Variants in CTNNA2 observed in about 807,000 individuals in gnomAD.
CTNNA2 encodes the protein catenin alpha-2.
In CTNNA2, 42 loss-of-function variants were observed where a neutral mutation model predicts 101.0. The ratio of observed to expected loss-of-function variants is 0.42; its 90% CI spans 0.32 to 0.54. CTNNA2 has a LOEUF of 0.54. Among genes scored for constraint, CTNNA2 ranks in the 20% least tolerant of loss-of-function variants. The probability of loss-of-function intolerance (pLI) is 0.14; values close to 1 mark genes in which losing one functional copy is unlikely to be tolerated. For synonymous variants in CTNNA2, 450 were observed against 456.4 expected, an observed-to-expected ratio of 0.99 and a Z score of 0.18; for missense variants, 871 against 1,223.1, an observed-to-expected ratio of 0.71 and a Z score of 4.29.
intron 9 of CTNNA2, among the ~76,000 whole-genome samples, chr2:80,515,593 C>T (rs1689048903): frequency 6.6e-6 from 1 of 152,182 alleles, no homozygotes; most frequent in Admixed American, 6.5e-5. Context: ...TTCTCTTGAG[C>T]TGCATTAGAA....
At chr2:80,504,120 A>T (rs142518503) in intron 9 of CTNNA2, among the ~76,000 whole-genome samples, 1 of 152,276 alleles carries the variant, frequency 6.6e-6, no homozygotes, top group East Asian at 1.9e-4. Flanking sequence ...ACCAGGGTTA[A>T]ATCAAGGTGT....
intron 7 of CTNNA2, among the ~76,000 whole-genome samples, chr2:80,089,070 T>C (rs1033234724): frequency 1.3e-5 from 2 of 152,006 alleles, no homozygotes; most frequent in African/African-American, 4.8e-5. Context: ...GGAAGACCTA[T>C]TATCCTCTCC....
chr2:80,211,344 T>C (rs1356265433), intron 7 of CTNNA2, among the ~76,000 whole-genome samples: 1 of 152,190 alleles, frequency 6.6e-6, no homozygotes. Flanking sequence ...CTTTCTATGG[T>C]TTTAGGTCTA....
intron 7 of CTNNA2, among the ~76,000 whole-genome samples, chr2:80,060,678 C>A (rs1390113482): frequency 3.3e-5 from 5 of 152,002 alleles, no homozygotes; most frequent in African/African-American, 4.8e-5. Context: ...ACCTGGAATG[C>A]TCTTTCTTCT....
chr2:79,994,366 GA>G (rs1161379845), intron 7 of CTNNA2, among the ~76,000 whole-genome samples: 1 of 152,172 alleles, frequency 6.6e-6, no homozygotes, highest in African/African-American at 2.4e-5. Context: ...AAAACTTCCT[GA>G]ATTTACCTGC....
chr2:79,235,154 A>G (rs1263813349), intron 2 of CTNNA2, among the ~76,000 whole-genome samples: 1 of 152,178 alleles, frequency 6.6e-6, no homozygotes, highest in African/African-American at 2.4e-5. Context: ...GGAAGGGCTG[A>G]CATTCTTCTA....
intron 7 of CTNNA2, among the ~76,000 whole-genome samples, chr2:80,028,946 A>G (rs1440568810): frequency 6.6e-6 from 1 of 152,232 alleles, no homozygotes; most frequent in Non-Finnish European, 1.5e-5. Context: ...GAACTATAAA[A>G]TAATAAATTT....
chr2:79,372,175 C>T (rs550225160), intron 3 of CTNNA2, among the ~76,000 whole-genome samples: 1 of 152,216 alleles, frequency 6.6e-6, no homozygotes, highest in East Asian at 1.9e-4. Context: ...GATTTCCTGA[C>T]TGATGGCATC....
intron 2 of CTNNA2, among the ~76,000 whole-genome samples, chr2:79,742,926 T>G (rs1018531430): frequency 1.6e-4 from 25 of 152,314 alleles, no homozygotes; most frequent in African/African-American, 6.0e-4. Flanking sequence ...TCATCTTAGT[T>G]TACATTTATT....
intron 7 of CTNNA2, among the ~76,000 whole-genome samples, chr2:80,052,710 A>G (rs1696955194): frequency 6.6e-6 from 1 of 152,224 alleles, no homozygotes; most frequent in Admixed American, 6.5e-5. Flanking sequence ...CATCCGTAGA[A>G]GTCTTTGTTG....
chr2:79,272,999 G>T (rs1337295238), intron 2 of CTNNA2, among the ~76,000 whole-genome samples: 1 of 152,000 alleles, frequency 6.6e-6, no homozygotes, highest in African/African-American at 2.4e-5. Flanking sequence ...ATAATGTTAG[G>T]TGGCTCCAGG....
In CTNNA2 at chr2:79,738,533, G is replaced by A. The variant is rs1558885541; in HGVS notation, c.103-5854G>A. ...TTGGAGGAGGGATAGAGATAAAGAT[G>A]GGTACAGAAATAAGTGAGTTTGGTG... On this transcript the variant is annotated intron_variant, in intron 2 of 18. Coordinates refer to ENST00000402739, the MANE Select transcript of CTNNA2 (RefSeq NM_001282597.3). Among the ~76,000 whole-genome samples the A allele has an allele frequency of 2.6e-5, 4 of 152,124 alleles. No homozygotes were observed. The South Asian group carries it at 8.3e-4, about 32-fold the overall frequency.
chr2:80,219,475 C>T (rs1430655046), intron 7 of CTNNA2, among the ~76,000 whole-genome samples: 1 of 152,042 alleles, frequency 6.6e-6, no homozygotes, highest in Non-Finnish European at 1.5e-5. Flanking sequence ...TATGAATTAT[C>T]TAGGTGAGGA....
chr2:79,186,506 C>T (rs1018546943), intron 1 of CTNNA2, among the ~76,000 whole-genome samples: 7 of 152,124 alleles, frequency 4.6e-5, no homozygotes, highest in Admixed American at 6.5e-5. Context: ...GCAATCAATG[C>T]GCTCAACTAA....
chr2:79,543,972 C>T (rs1673574390), intron 1 of CTNNA2, among the ~76,000 whole-genome samples: 1 of 151,954 alleles, frequency 6.6e-6, no homozygotes, highest in Non-Finnish European at 1.5e-5. Flanking sequence ...GAAATGGAGT[C>T]TCACTCTGTC....
At chr2:79,192,515 G>A (rs538648487) in intron 1 of CTNNA2, among the ~76,000 whole-genome samples, 2 of 152,202 alleles carry the variant, frequency 1.3e-5, no homozygotes, top group African/African-American at 4.8e-5. Flanking sequence ...ATTCTGAAAC[G>A]CATAACCAAG....
intron 2 of CTNNA2, among the ~76,000 whole-genome samples, chr2:79,679,546 A>G (rs1558830939): frequency 6.6e-6 from 1 of 151,770 alleles, no homozygotes; most frequent in Non-Finnish European, 1.5e-5. Flanking sequence ...CGCAGCATGC[A>G]GCTGTAAACC....
chr2:80,042,183 T>C (rs1048322116), intron 7 of CTNNA2, among the ~76,000 whole-genome samples: 6 of 152,234 alleles, frequency 3.9e-5, no homozygotes, highest in Non-Finnish European at 7.3e-5. Flanking sequence ...CAGGCTGGTC[T>C]TGAACTCTTG....
intron 7 of CTNNA2, among the ~76,000 whole-genome samples, chr2:79,969,770 T>A (rs1278205883): frequency 1.4e-5 from 2 of 141,078 alleles, no homozygotes. Context: ...AAATAAAGCA[T>A]TTATCTCTGT....
Sources: gnomAD v4.1 joint callset for allele counts (sites outside exome capture counted in the v4.1 genomes callset) on GRCh38, gnomAD v4.1.1 for gene constraint, MANE v1.5 for transcripts, NCBI Gene and HGNC (gene_info 2026-07-23, HGNC 2026-07-21) for gene names.